AUTS2: variants seen among roughly 807,000 people sequenced by gnomAD.
AUTS2 encodes the protein activator of transcription and developmental regulator AUTS2.
A neutral mutation model predicts 112.4 loss-of-function variants in AUTS2; 17 were observed. The ratio of observed to expected loss-of-function variants is 0.15; its 90% CI spans 0.10 to 0.23. The LOEUF is 0.23. Among genes scored for constraint, AUTS2 ranks in the 10% least tolerant of loss-of-function variants. AUTS2 has a pLI of 1.00. For missense variants in AUTS2, 1,510 were observed against 1,701.6 expected, an observed-to-expected ratio of 0.89 and a Z score of 1.98; for synonymous variants, 751 against 702.7, an observed-to-expected ratio of 1.07 and a Z score of -1.09.
intron 6 of AUTS2, among the ~76,000 whole-genome samples, chr7:70,706,887 C>T (rs1349110195): frequency 2.0e-5 from 3 of 152,272 alleles, no homozygotes; most frequent in Admixed American, 1.3e-4. Context: ...AAGTAGTATG[C>T]GTTGTCATGG....
chr7:69,668,189 G>A (rs990208290), intron 1 of AUTS2, among the ~76,000 whole-genome samples: 1 of 152,156 alleles, frequency 6.6e-6, no homozygotes, highest in Non-Finnish European at 1.5e-5. Flanking sequence ...GGTGATTATA[G>A]TTTGACTTAT....
intron 5 of AUTS2, among the ~76,000 whole-genome samples, chr7:70,611,364 C>T (rs1297614102): frequency 1.3e-5 from 2 of 152,188 alleles, no homozygotes; most frequent in Non-Finnish European, 2.9e-5. Context: ...ATGGTTGGGG[C>T]TGCAGTTATC....
At chr7:70,028,968 G>C (rs1303149821) in intron 2 of AUTS2, among the ~76,000 whole-genome samples, 2 of 152,080 alleles carry the variant, frequency 1.3e-5, no homozygotes, top group Non-Finnish European at 2.9e-5. Context: ...TAGGACTACT[G>C]AGTAATACTC....
intron 1 of AUTS2, among the ~76,000 whole-genome samples, chr7:69,834,652 G>C (rs1454450208): frequency 1.3e-5 from 2 of 152,100 alleles, no homozygotes; most frequent in African/African-American, 4.8e-5. Context: ...GTAGCAACTA[G>C]AATGCAAGGT....
intron 6 of AUTS2, among the ~76,000 whole-genome samples, chr7:70,736,039 C>CGT (rs10665701): frequency 0.73 from 109,840 of 151,196 alleles, 40,456 homozygotes; most frequent in African/African-American, 0.85. Flanking sequence ...TTTTATTATA[C>CGT]GTGTGTGTGT....
chr7:70,730,229 GTTTT>G (rs776855568), intron 6 of AUTS2, among the ~76,000 whole-genome samples: 2 of 130,970 alleles, frequency 1.5e-5, no homozygotes, highest in African/African-American at 5.3e-5. Context: ...TTTTTTTTTT[GTTTT>G]TTGTTTGTTT....
chr7:70,026,147 C>A (rs557552760), intron 2 of AUTS2, among the ~76,000 whole-genome samples: 1 of 152,256 alleles, frequency 6.6e-6, no homozygotes, highest in South Asian at 2.1e-4. Context: ...TTGGGTGGTA[C>A]CTACTACTAC....
intron 1 of AUTS2, among the ~76,000 whole-genome samples, chr7:69,722,611 C>T (rs1377446406): frequency 6.6e-6 from 1 of 152,196 alleles, no homozygotes; most frequent in East Asian, 1.9e-4. Context: ...GCTGGGATTA[C>T]AGGTGTGCAC....
At chr7:69,886,679 C>A (rs1794286045) in intron 1 of AUTS2, among the ~76,000 whole-genome samples, 1 of 152,174 alleles carries the variant, frequency 6.6e-6, no homozygotes, top group Admixed American at 6.5e-5. Context: ...GCCACCACCC[C>A]TGCCTCTAGA....
chr7:70,784,393 C>T (rs1352991276), intron 15 of AUTS2: 1 of 152,384 alleles, frequency 6.6e-6, no homozygotes, highest in Non-Finnish European at 1.5e-5. Context: ...GGCTGGGTTT[C>T]TGGAAGTGTT....
At chr7:70,618,095 C>G (rs1013246917) in intron 5 of AUTS2, among the ~76,000 whole-genome samples, 3 of 152,180 alleles carry the variant, frequency 2.0e-5, no homozygotes, top group Non-Finnish European at 2.9e-5. Flanking sequence ...ATCTTTTTCT[C>G]CCTCTTAGAC....
At chr7:70,443,170 A>G (rs1249356597) in intron 5 of AUTS2, among the ~76,000 whole-genome samples, 1 of 152,226 alleles carries the variant, frequency 6.6e-6, no homozygotes, top group Non-Finnish European at 1.5e-5. Context: ...AGTCAACAGA[A>G]TAAATACTTG....
intron 5 of AUTS2, among the ~76,000 whole-genome samples, chr7:70,673,302 G>A (rs929019494): frequency 6.6e-6 from 1 of 152,092 alleles, no homozygotes; most frequent in African/African-American, 2.4e-5. Context: ...TTTAGTATTG[G>A]TGAAACTCTA....
chr7:70,644,819 T>C (rs570615724), intron 5 of AUTS2, among the ~76,000 whole-genome samples: 1 of 152,276 alleles, frequency 6.6e-6, no homozygotes, highest in Admixed American at 6.5e-5. Flanking sequence ...CACCCTTGTA[T>C]ATTCCTCACC....
chr7:70,582,213 C>T (rs939927215), intron 5 of AUTS2, among the ~76,000 whole-genome samples: 2 of 152,186 alleles, frequency 1.3e-5, no homozygotes, highest in African/African-American at 2.4e-5. Flanking sequence ...ATTAAAAGAA[C>T]GCAGTGTGGT....
At chr7:69,709,274 T>G (rs1347281761) in intron 1 of AUTS2, among the ~76,000 whole-genome samples, 1 of 152,214 alleles carries the variant, frequency 6.6e-6, no homozygotes, top group South Asian at 2.1e-4. Flanking sequence ...TTCCCAGGAA[T>G]GGGGTAGCAT....
At chr7:70,540,723 C>T (rs891939480) in intron 5 of AUTS2, among the ~76,000 whole-genome samples, 3 of 152,186 alleles carry the variant, frequency 2.0e-5, no homozygotes, top group African/African-American at 7.2e-5. Flanking sequence ...CATGACTCCA[C>T]CTCTTCCTGC....
intron 6 of AUTS2, among the ~76,000 whole-genome samples, chr7:70,746,568 A>G (rs528563402): frequency 3.3e-5 from 5 of 152,250 alleles, no homozygotes; most frequent in Non-Finnish European, 7.3e-5. Context: ...AGTGTAGACT[A>G]GAAGTTCATC....
chr7:70,373,153 G>A (rs904187247), intron 4 of AUTS2, among the ~76,000 whole-genome samples: 10 of 151,974 alleles, frequency 6.6e-5, no homozygotes, highest in African/African-American at 2.2e-4. Context: ...GAGAAACCAG[G>A]GGGGAGTGGG....
Sources: gnomAD v4.1 joint callset for allele counts (sites outside exome capture counted in the v4.1 genomes callset) on GRCh38, gnomAD v4.1.1 for gene constraint, MANE v1.5 for transcripts, NCBI Gene and HGNC (gene_info 2026-07-23, HGNC 2026-07-21) for gene names.